Variants in ABHD17C observed in about 807,000 individuals in gnomAD.
The protein encoded by ABHD17C is abhydrolase domain containing 17C, depalmitoylase.
Under a neutral mutation model 27.9 loss-of-function variants are expected in ABHD17C, and 11 were observed. That is an observed-to-expected ratio of 0.39 (90% CI 0.25 to 0.65). The LOEUF (loss-of-function observed/expected upper bound fraction) is 0.65, where lower values mean the gene tolerates loss of function less well. Among genes scored for constraint, ABHD17C ranks in the 30% least tolerant of loss-of-function variants. The pLI is 0.45. For missense variants in ABHD17C, 280 were observed against 470.2 expected (o/e 0.60, Z 3.74); for synonymous variants, 233 against 209.1 (o/e 1.11, Z -0.98).
chr15:80,711,666 T>A (rs1894730344), intron 1 of ABHD17C, among the ~76,000 whole-genome samples: 2 of 152,254 alleles, frequency 1.3e-5, no homozygotes, highest in African/African-American at 4.8e-5. Flanking sequence ...TTAATTTGCA[T>A]AATGCCTCCT....
At chr15:80,740,529 T>G (rs1435786424) in intron 1 of ABHD17C, among the ~76,000 whole-genome samples, 2 of 152,030 alleles carry the variant, frequency 1.3e-5, no homozygotes, top group Non-Finnish European at 2.9e-5. Flanking sequence ...GTCAAAGGAT[T>G]CTGGGGTTTA....
intron 1 of ABHD17C, among the ~76,000 whole-genome samples, chr15:80,719,948 C>T (rs952153810): frequency 2.6e-5 from 4 of 152,118 alleles, no homozygotes; most frequent in African/African-American, 9.7e-5. Context: ...CAAGTGCACA[C>T]CACCACGCCC....
chr15:80,717,368 A>T, intron 1 of ABHD17C, among the ~76,000 whole-genome samples: 1 of 145,004 alleles, frequency 6.9e-6, no homozygotes, highest in South Asian at 2.2e-4. Flanking sequence ...ATTTTTTTCT[A>T]TTTTCCACTC....
chr15:80,730,749 G>A (rs745432407), intron 1 of ABHD17C, among the ~76,000 whole-genome samples: 5 of 152,142 alleles, frequency 3.3e-5, no homozygotes, highest in Non-Finnish European at 5.9e-5. Flanking sequence ...CAAAAGAAAC[G>A]GAATCTGCTA....
intron 1 of ABHD17C, among the ~76,000 whole-genome samples, chr15:80,712,571 C>T (rs941000839): frequency 6.6e-6 from 1 of 152,190 alleles, no homozygotes; most frequent in African/African-American, 2.4e-5. Flanking sequence ...AGAAGTGTAA[C>T]AGAAGTGCTC....
intron 1 of ABHD17C, 76 bp from the exon 2 acceptor site, chr15:80,749,437 A>G: frequency 6.7e-7 from 1 of 1,484,158 alleles, no homozygotes; most frequent in Admixed American, 1.9e-5. Flanking sequence ...TTATGGGTTT[A>G]AGAGGCGGGT....
At chr15:80,701,107 A>G (rs1230155340) in intron 1 of ABHD17C, among the ~76,000 whole-genome samples, 3 of 152,198 alleles carry the variant, frequency 2.0e-5, no homozygotes, top group African/African-American at 7.2e-5. Flanking sequence ...GGTGATTCAC[A>G]GGATCCATAA....
intron 1 of ABHD17C, among the ~76,000 whole-genome samples, chr15:80,711,541 T>G (rs1187231717): frequency 6.6e-6 from 1 of 152,156 alleles, no homozygotes; most frequent in Non-Finnish European, 1.5e-5. Context: ...TCCACTAGAT[T>G]ATTTCCAAAA....
intron 1 of ABHD17C, among the ~76,000 whole-genome samples, chr15:80,709,670 A>G (rs141694400): frequency 6.6e-5 from 10 of 152,012 alleles, no homozygotes; most frequent in African/African-American, 2.2e-4. Context: ...GAGCCTGTTC[A>G]GCAGCCCCGC....
chr15:80,715,073 G>A (rs939694309), intron 1 of ABHD17C, among the ~76,000 whole-genome samples: 2 of 152,088 alleles, frequency 1.3e-5, no homozygotes, highest in South Asian at 2.1e-4. Flanking sequence ...GAGCCACCGC[G>A]CCCGGCCTAC....
At chr15:80,704,945 C>G (rs946920408) in intron 1 of ABHD17C, 64 of 152,226 alleles carry the variant, frequency 4.2e-4, no homozygotes, top group African/African-American at 1.5e-3. Flanking sequence ...TAGGTCTGTT[C>G]CCTTTTGTTG....
At chr15:80,707,583 C>T (rs963214555) in intron 1 of ABHD17C, among the ~76,000 whole-genome samples, 7 of 150,246 alleles carry the variant, frequency 4.7e-5, no homozygotes, top group East Asian at 1.9e-4. Flanking sequence ...AAAAAAAAAA[C>T]GCAAAAAATC....
chr15:80,709,518 T>C (rs1049015698), intron 1 of ABHD17C, among the ~76,000 whole-genome samples: 1 of 151,458 alleles, frequency 6.6e-6, no homozygotes, highest in Admixed American at 6.6e-5. Flanking sequence ...AACACACACA[T>C]GAAAAAGCTA....
intron 1 of ABHD17C, among the ~76,000 whole-genome samples, chr15:80,712,171 T>A (rs1430243021): frequency 1.3e-5 from 2 of 152,194 alleles, no homozygotes; most frequent in Non-Finnish European, 2.9e-5. Flanking sequence ...TGGAATGTGA[T>A]CTCCTTGAGG....
At chr15:80,750,343 G>A (rs1422238184) in intron 2 of ABHD17C, among the ~76,000 whole-genome samples, 1 of 152,164 alleles carries the variant, frequency 6.6e-6, no homozygotes, top group African/African-American at 2.4e-5. Flanking sequence ...CACCCCTGCA[G>A]AGGTGCCTGC....
intron 1 of ABHD17C, among the ~76,000 whole-genome samples, chr15:80,745,926 G>A (rs1314939219): frequency 1.3e-5 from 2 of 152,174 alleles, no homozygotes; most frequent in Non-Finnish European, 2.9e-5. Context: ...TCTGGTATAT[G>A]TAAGCACTTA....
chr15:80,745,519 C>A (rs1486758918), intron 1 of ABHD17C, among the ~76,000 whole-genome samples: 1 of 152,100 alleles, frequency 6.6e-6, no homozygotes, highest in East Asian at 1.9e-4. Flanking sequence ...CAGGGGACGC[C>A]ACTTTGCCCA....
intron 1 of ABHD17C, among the ~76,000 whole-genome samples, chr15:80,739,797 C>T (rs192902874): frequency 9.9e-5 from 15 of 152,268 alleles, no homozygotes; most frequent in Admixed American, 2.6e-4. Flanking sequence ...ACAAAGTGGA[C>T]CAATACAGCC....
chr15:80,716,180 C>A (rs1487925644), intron 1 of ABHD17C, among the ~76,000 whole-genome samples: 1 of 152,096 alleles, frequency 6.6e-6, no homozygotes, highest in Non-Finnish European at 1.5e-5. Flanking sequence ...GAAGGGGGTT[C>A]TTTTATCTTC....
Sources: gnomAD v4.1 joint callset for allele counts (sites outside exome capture counted in the v4.1 genomes callset) on GRCh38, gnomAD v4.1.1 for gene constraint, MANE v1.5 for transcripts, NCBI Gene and HGNC (gene_info 2026-07-23, HGNC 2026-07-21) for gene names.